Variants in MRPL1 observed in about 807,000 individuals in gnomAD.
The protein encoded by MRPL1 is large ribosomal subunit protein uL1m.
A neutral mutation model predicts 38.0 loss-of-function variants in MRPL1; 28 were observed. The ratio of observed to expected loss-of-function variants is 0.74; its 90% CI spans 0.55 to 1.01. The LOEUF is 1.01. Ranked by LOEUF, MRPL1 falls within the 50% of genes least tolerant of loss-of-function variation. The probability of loss-of-function intolerance (pLI) is 0.00; values close to 1 mark genes in which losing one functional copy is unlikely to be tolerated. For synonymous variants in MRPL1, 123 were observed against 126.7 expected (o/e 0.97, Z 0.20); for missense variants, 358 against 389.8 (o/e 0.92, Z 0.69).
intron 7 of MRPL1, among the ~76,000 whole-genome samples, chr4:77,915,562 G>A (rs1736404816): frequency 6.6e-6 from 1 of 152,070 alleles, no homozygotes; most frequent in African/African-American, 2.4e-5. Context: ...CTACAGGTGT[G>A]CGCCACCATG....
At chr4:77,876,973 T>C (rs564425773) in intron 2 of MRPL1, among the ~76,000 whole-genome samples, 2 of 152,226 alleles carry the variant, frequency 1.3e-5, no homozygotes, top group Non-Finnish European at 2.9e-5. Context: ...TGATCTTGGC[T>C]TACTGCAACT....
At chr4:77,906,945 G>A (rs555738789) in intron 6 of MRPL1, 1 of 984,534 alleles carries the variant, frequency 1.0e-6, no homozygotes, top group East Asian at 1.1e-4. Flanking sequence ...CTCCCAATTA[G>A]ATTTTAAACT....
In MRPL1 at chr4:77,883,152, T is replaced by C. The variant is rs1735583046; in HGVS notation, c.144-90T>C. 3.7e-6 allele frequency: 3 copies of C among 813,284 alleles called. No individual in the cohort carries two copies. The South Asian group carries it at 8.2e-5, about 22-fold the overall frequency. The allele number at this position is 813,284 out of a possible 1,614,324, so 50.4% of individuals were successfully genotyped here. A position where few individuals can be genotyped will look rare whatever the true frequency, so the allele number is the denominator to read the frequency against. On this transcript the variant is annotated intron_variant, in intron 2 of 8. Transcript: ENST00000315567. ...GAATTAAAATATAATTCATCCTTTG[T>C]TTTTTTTTCTCTTATGTACACTGGC...
chr4:77,924,987 G>A (rs1007021540), intron 7 of MRPL1, among the ~76,000 whole-genome samples: 2 of 152,048 alleles, frequency 1.3e-5, no homozygotes, highest in Admixed American at 6.6e-5. Flanking sequence ...TTTCAAATGA[G>A]TAGAAAAGTT....
chr4:77,868,719 A>G (rs769324216), intron 1 of MRPL1, among the ~76,000 whole-genome samples: 2 of 152,190 alleles, frequency 1.3e-5, no homozygotes, highest in Non-Finnish European at 2.9e-5. Context: ...GTGGAAAGCA[A>G]TAGGGGAAAA....
At chr4:77,894,318 A>T (rs1487918911) in intron 6 of MRPL1, 68 bp downstream of exon 6, 2 of 996,982 alleles carry the variant, frequency 2.0e-6, no homozygotes, top group East Asian at 4.9e-5. Flanking sequence ...TAGTTAGGAA[A>T]CAAAGTTGTT....
chr4:77,919,435 A>G (rs1235837709), intron 7 of MRPL1, among the ~76,000 whole-genome samples: 9 of 152,170 alleles, frequency 5.9e-5, no homozygotes, highest in Non-Finnish European at 2.9e-5. Context: ...AGAGGTATAT[A>G]TAATACCTTT....
At position 77,871,872 on chromosome 4, in the gene MRPL1, A is replaced by G; in HGVS notation, c.143+17A>G. Reference sequence around the variant, plus strand: ...TGCTACAAAGTAAGTATTTTTTTTTAGTTATTATTTCATTTGTTGTCATTT... The same window carrying G: ...TGCTACAAAGTAAGTATTTTTTTTTGGTTATTATTTCATTTGTTGTCATTT... On this transcript the variant is annotated intron_variant, in intron 2 of 8. Coordinates refer to ENST00000315567, the MANE Select transcript of MRPL1 (RefSeq NM_020236.4). 6.9e-7 allele frequency: 1 copy of G among 1,450,450 alleles called. No individual in the cohort carries two copies. The allele number at this position is 1,450,450 out of a possible 1,614,324, so 89.8% of individuals were successfully genotyped here. A position where few individuals can be genotyped will look rare whatever the true frequency, so the allele number is the denominator to read the frequency against.
At chr4:77,867,818 A>G (rs1235900586) in intron 1 of MRPL1, among the ~76,000 whole-genome samples, 2 of 135,930 alleles carry the variant, frequency 1.5e-5, no homozygotes, top group East Asian at 2.2e-4. Context: ...GGGCAGTGGC[A>G]CGATCTCGGC....
intron 7 of MRPL1, among the ~76,000 whole-genome samples, chr4:77,934,661 G>A (rs917640199): frequency 1.6e-4 from 25 of 152,160 alleles, no homozygotes; most frequent in Non-Finnish European, 5.9e-5. Context: ...AGAATTATAT[G>A]ATCCACCAAA....
intron 7 of MRPL1, among the ~76,000 whole-genome samples, chr4:77,919,990 A>G (rs1482090532): frequency 3.3e-5 from 5 of 152,116 alleles, no homozygotes; most frequent in Non-Finnish European, 7.4e-5. Flanking sequence ...TAACTAAAAA[A>G]TCTTTGGGGA....
chr4:77,893,522 TA>T (rs36013771), intron 5 of MRPL1, among the ~76,000 whole-genome samples: 11 of 152,004 alleles, frequency 7.2e-5, no homozygotes, highest in African/African-American at 2.7e-4. Flanking sequence ...AAATGTTTTC[TA>T]AAAATTGAAT....
chr4:77,903,133 T>C (rs188990091), intron 6 of MRPL1, among the ~76,000 whole-genome samples: 1 of 152,270 alleles, frequency 6.6e-6, no homozygotes, highest in East Asian at 1.9e-4. Context: ...TCCAGCAATA[T>C]ATATGTACAT....
At chr4:77,893,283 G>A (rs1735844116) in intron 5 of MRPL1, among the ~76,000 whole-genome samples, 2 of 152,070 alleles carry the variant, frequency 1.3e-5, no homozygotes, top group South Asian at 4.2e-4. Context: ...CGCCCGGCTA[G>A]TTTTTATATT....
At position 77,908,054 on chromosome 4, in the gene MRPL1, T is replaced by C. The variant is rs541067899; in HGVS notation, c.671-1212T>C. ...CTGGGATTACAGGTGCCTGCCACCA[T>C]GCCCGACTATAGAAACTCATGCCAG... is the stretch of plus-strand genomic sequence containing the variant. On this transcript the variant is annotated intron_variant, in intron 6 of 8. Coordinates refer to ENST00000315567, the MANE Select transcript of MRPL1 (RefSeq NM_020236.4). Among the ~76,000 whole-genome samples, 4 of 149,622 alleles carry C rather than the reference T, an allele frequency of 2.7e-5. No individual in the cohort carries two copies. In the South Asian group the frequency reaches 8.5e-4, roughly 32 times the overall value.
chr4:77,903,995 C>T (rs1029856891), intron 6 of MRPL1, among the ~76,000 whole-genome samples: 1 of 151,900 alleles, frequency 6.6e-6, no homozygotes, highest in African/African-American at 2.4e-5. Flanking sequence ...CCTGTAATAC[C>T]AGTACTTTGG....
intron 2 of MRPL1, among the ~76,000 whole-genome samples, chr4:77,873,464 A>G (rs1735329413): frequency 1.3e-5 from 2 of 152,250 alleles, no homozygotes; most frequent in African/African-American, 2.4e-5. Flanking sequence ...ATCTTACTTT[A>G]TGATGAAATT....
intron 6 of MRPL1, chr4:77,908,421 C>T: frequency 2.6e-5 from 4 of 152,924 alleles, no homozygotes; most frequent in South Asian, 2.0e-4. Context: ...TTAGTAGAAA[C>T]AGGGTTTCAC....
Position 77,894,118 on chromosome 4 carries a change from CT to C in MRPL1, c.559-10del, listed in dbSNP as rs752146305. 74,567 of 886,320 alleles carry C rather than the reference CT, an allele frequency of 0.084. No individual in the cohort carries two copies. The highest frequency in any genetic ancestry group is 0.11 in the South Asian group (4,529 of 42,502). 54.9% of individuals were successfully genotyped at this position (886,320 alleles called of 1,614,324 possible). A position where few individuals can be genotyped will look rare whatever the true frequency, so the allele number is the denominator to read the frequency against. On this transcript the variant is annotated intron_variant, in intron 5 of 8. Coordinates refer to ENST00000315567, the MANE Select transcript of MRPL1 (RefSeq NM_020236.4). Reference sequence around the variant, plus strand: ...AGCTTTTCATCTCATCTGAGGTCACCTTTTTTTTTTTAATTTTCAGATTTGG... The same window carrying C: ...AGCTTTTCATCTCATCTGAGGTCACCTTTTTTTTTTAATTTTCAGATTTGG...
Sources: allele counts gnomAD v4.1 joint callset (sites outside exome capture counted in the v4.1 genomes callset), GRCh38; gene constraint gnomAD v4.1.1; transcripts MANE v1.5; gene names NCBI Gene and HGNC (gene_info 2026-07-23, HGNC 2026-07-21).